Variants in SLCO5A1 observed in about 807,000 individuals in gnomAD.
SLCO5A1 encodes organic anion transporter polypeptide-related protein 4.
A neutral mutation model predicts 65.1 loss-of-function variants in SLCO5A1; 39 were observed. That is an observed-to-expected ratio of 0.60 (90% CI 0.46 to 0.78). SLCO5A1 has a LOEUF of 0.78. SLCO5A1 is among the 30% of genes least tolerant of loss of function. The pLI is 0.00. For synonymous variants in SLCO5A1, 438 were observed against 415.7 expected (o/e 1.05, Z -0.65); for missense variants, 1,029 against 1,069.4 (o/e 0.96, Z 0.53).
chr8:69,797,074 C>T (rs1819531702), intron 2 of SLCO5A1, among the ~76,000 whole-genome samples: 2 of 152,188 alleles, frequency 1.3e-5, no homozygotes, highest in African/African-American at 2.4e-5. Context: ...AGTAAGGGAC[C>T]TCAAATGGAG....
At chr8:69,737,717 A>G (rs762168416) in intron 5 of SLCO5A1, among the ~76,000 whole-genome samples, 4 of 152,180 alleles carry the variant, frequency 2.6e-5, no homozygotes, top group Non-Finnish European at 5.9e-5. Context: ...TTTAAAACCC[A>G]TGCCAACCCA....
chr8:69,822,578 T>C (rs982929022), intron 2 of SLCO5A1, among the ~76,000 whole-genome samples: 1 of 152,200 alleles, frequency 6.6e-6, no homozygotes, highest in Non-Finnish European at 1.5e-5. Context: ...AGGGTTTTCA[T>C]ACTTGGAAAG....
chr8:69,790,178 C>A (rs186162848), intron 2 of SLCO5A1, among the ~76,000 whole-genome samples: 46 of 131,068 alleles, frequency 3.5e-4, no homozygotes, highest in African/African-American at 1.1e-3. Flanking sequence ...GGCAACAGAG[C>A]GAGACTCCTT....
Position 69,670,303 on chromosome 8 carries a change from G to A in SLCO5A1, c.*2566C>T, listed in dbSNP as rs1462627381. On this transcript the variant is annotated 3_prime_UTR_variant, in exon 10 of 10. Coordinates refer to ENST00000260126, the MANE Select transcript of SLCO5A1 (RefSeq NM_030958.3). ...GATCAATTTATTAAGAAACATATAA[G>A]ACCCTATATATACAATTAAATGGTA... The A allele has an allele frequency of 1.3e-5, 2 of 152,098 alleles. No homozygotes were observed. The highest frequency in any genetic ancestry group is 2.9e-5 in the Non-Finnish European group (2 of 68,030). The allele number at this position is 152,098 out of a possible 1,614,324, so 9.4% of individuals were successfully genotyped here. A position where few individuals can be genotyped will look rare whatever the true frequency, so the allele number is the denominator to read the frequency against.
At chr8:69,769,834 G>T (rs754163418) in intron 2 of SLCO5A1, among the ~76,000 whole-genome samples, 2 of 152,046 alleles carry the variant, frequency 1.3e-5, no homozygotes, top group African/African-American at 2.4e-5. Flanking sequence ...TATGCCTGTT[G>T]CTATAATTAT....
chr8:69,674,244 C>T (rs561512806), intron 9 of SLCO5A1, among the ~76,000 whole-genome samples: 10 of 152,204 alleles, frequency 6.6e-5, no homozygotes, highest in African/African-American at 1.4e-4. Context: ...GCAGGGGCCA[C>T]GCCTTTTATT....
chr8:69,834,128 A>C (rs553057341), intron 1 of SLCO5A1: 167 of 144,896 alleles, frequency 1.2e-3, no homozygotes, highest in Admixed American at 3.0e-3. Context: ...ACACACACAC[A>C]CCGGCGTACT....
chr8:69,796,973 T>C (rs1037064984), intron 2 of SLCO5A1, among the ~76,000 whole-genome samples: 1 of 152,188 alleles, frequency 6.6e-6, no homozygotes, highest in South Asian at 2.1e-4. Context: ...CTTGACTTTA[T>C]TGTACATATC....
intron 2 of SLCO5A1, among the ~76,000 whole-genome samples, chr8:69,813,694 C>A (rs546129195): frequency 6.6e-6 from 1 of 152,284 alleles, no homozygotes; most frequent in Admixed American, 6.5e-5. Flanking sequence ...CTCTGGAGAC[C>A]TGAGTCTCAA....
chr8:69,768,979 C>T (rs547115656), intron 2 of SLCO5A1, among the ~76,000 whole-genome samples: 37 of 152,294 alleles, frequency 2.4e-4, no homozygotes, highest in Non-Finnish European at 4.9e-4. Context: ...GCTTCCACCC[C>T]GTTCACTCAG....
intron 6 of SLCO5A1, among the ~76,000 whole-genome samples, chr8:69,690,963 G>C (rs1814234860): frequency 6.6e-6 from 1 of 152,204 alleles, no homozygotes; most frequent in Non-Finnish European, 1.5e-5. Context: ...TCAGCACATA[G>C]CACTGGTTAA....
chr8:69,733,966 G>C (rs1329107796), intron 5 of SLCO5A1, among the ~76,000 whole-genome samples: 1 of 152,190 alleles, frequency 6.6e-6, no homozygotes, highest in Non-Finnish European at 1.5e-5. Flanking sequence ...AGATAGATGT[G>C]ACCCCAAGTG....
chr8:69,790,775 G>A (rs1819232988), intron 2 of SLCO5A1, among the ~76,000 whole-genome samples: 1 of 152,156 alleles, frequency 6.6e-6, no homozygotes. Flanking sequence ...AAGAATCAAG[G>A]ACAGTGAAGG....
At chr8:69,806,688 T>G (rs1036253141) in intron 2 of SLCO5A1, among the ~76,000 whole-genome samples, 4 of 152,132 alleles carry the variant, frequency 2.6e-5, no homozygotes, top group Admixed American at 6.5e-5. Flanking sequence ...TTACAGAATA[T>G]CAAACCTTGG....
chr8:69,818,031 T>C (rs1820476568), intron 2 of SLCO5A1, among the ~76,000 whole-genome samples: 1 of 152,048 alleles, frequency 6.6e-6, no homozygotes, highest in Admixed American at 6.5e-5. Context: ...CAGGAGAAAA[T>C]AGAAAGTGGC....
At chr8:69,696,252 A>T (rs2130802776) in intron 6 of SLCO5A1, among the ~76,000 whole-genome samples, 1 of 152,332 alleles carries the variant, frequency 6.6e-6, no homozygotes, top group Admixed American at 6.5e-5. Context: ...AAATAAAAGC[A>T]GAGTAGGGTT....
intron 2 of SLCO5A1, among the ~76,000 whole-genome samples, chr8:69,767,052 T>A (rs577514414): frequency 1.8e-4 from 28 of 152,378 alleles, no homozygotes; most frequent in Admixed American, 7.8e-4. Context: ...ATAAATTTCA[T>A]GTTTTTTGAC....
At chr8:69,686,908 T>C (rs1156260389) in intron 6 of SLCO5A1, among the ~76,000 whole-genome samples, 1 of 152,224 alleles carries the variant, frequency 6.6e-6, no homozygotes, top group Admixed American at 6.5e-5. Flanking sequence ...TCACAAGTGC[T>C]GTGAATTTCA....
intron 2 of SLCO5A1, among the ~76,000 whole-genome samples, chr8:69,812,219 T>G (rs1384836934): frequency 6.6e-6 from 1 of 152,164 alleles, no homozygotes; most frequent in Admixed American, 6.5e-5. Flanking sequence ...AACGTTAGTT[T>G]CAGAAATACA....
Sources: gnomAD v4.1 joint callset for allele counts (sites outside exome capture counted in the v4.1 genomes callset) on GRCh38, gnomAD v4.1.1 for gene constraint, MANE v1.5 for transcripts, NCBI Gene and HGNC (gene_info 2026-07-23, HGNC 2026-07-21) for gene names.